The following USH1C variants were observed in gnomAD, a reference collection of about 807,000 sequenced individuals.
The protein encoded by USH1C is harmonin.
Under a neutral mutation model 119.3 loss-of-function variants are expected in USH1C, and 90 were observed. That is an observed-to-expected ratio of 0.75 (90% CI 0.64 to 0.90). The LOEUF is 0.90. USH1C is among the 40% of genes least tolerant of loss of function. USH1C has a pLI of 0.00. For synonymous variants in USH1C, 465 were observed against 443.3 expected (o/e 1.05, Z -0.62); for missense variants, 1,165 against 1,167.7 (o/e 1.00, Z 0.03).
intron 1 of USH1C, among the ~76,000 whole-genome samples, chr11:17,544,031 G>A (rs747823524): frequency 7.6e-4 from 115 of 152,242 alleles, no homozygotes; most frequent in Non-Finnish European, 1.6e-4. Flanking sequence ...GAAGGCAGAG[G>A]GAGAAAGGCT....
chr11:17,520,750 T>C, intron 14 of USH1C, 120 bp downstream of exon 14: 2 of 1,258,320 alleles, frequency 1.6e-6, no homozygotes, highest in Non-Finnish European at 2.3e-6. Context: ...TGCCCCTCCA[T>C]GAAGGAACCA....
rs1554953350 is a variant in USH1C at position 17,496,757 on chromosome 11, C to A, written c.2546+1G>T. The A allele has an allele frequency of 1.9e-6, 3 of 1,614,224 alleles. No individual in the cohort carries two copies. Among genetic ancestry groups the A allele is most frequent in the Non-Finnish European group, 2.5e-6 (3 of 1,180,004 alleles). The stretch of plus-strand genomic sequence containing the variant: ...CAGGCTAGGTGCTTGCACACACTTA[C>A]AGCTCATCGTCATACTCCTTTGGGG... On this transcript the variant is annotated splice_donor_variant, in intron 25 of 26. Transcript: ENST00000005226. LOFTEE classifies it high-confidence loss of function.
intron 15 of USH1C, among the ~76,000 whole-genome samples, chr11:17,512,686 C>T (rs1027047617): frequency 6.6e-6 from 1 of 152,146 alleles, no homozygotes; most frequent in African/African-American, 2.4e-5. Context: ...TCAGATTTTA[C>T]CCGCATGCTT....
At chr11:17,527,567 C>G (rs1850764042) in intron 4 of USH1C, among the ~76,000 whole-genome samples, 1 of 152,148 alleles carries the variant, frequency 6.6e-6, no homozygotes, top group Non-Finnish European at 1.5e-5. Context: ...GAAACCAAGA[C>G]AGGGGTGAGG....
rs1194482063 is a variant in USH1C, at chr11:17,505,956, A to C, written c.2014-7T>G. The C allele has an allele frequency of 1.9e-6, 3 of 1,614,152 alleles. No individual in the cohort carries two copies. The highest frequency in any genetic ancestry group is 2.5e-6 in the Non-Finnish European group (3 of 1,180,004). ...GTGGGCTTGGGCAAAATGTCTAAGGAGTTAGTTTAACAGGGACCCAGGTGA... is the reference window on the plus strand; with the variant it reads ...GTGGGCTTGGGCAAAATGTCTAAGGCGTTAGTTTAACAGGGACCCAGGTGA... On this transcript the variant is annotated splice_polypyrimidine_tract_variant and splice_region_variant and intron_variant, in intron 18 of 26. Transcript: ENST00000005226.
intron 26 of USH1C, chr11:17,495,029 C>T (rs1163772310): frequency 4.6e-6 from 1 of 219,498 alleles, no homozygotes; most frequent in Non-Finnish European, 9.2e-6. Context: ...ATCCACCAAC[C>T]CTGGTTCTTT....
Sources: gnomAD v4.1 joint callset for allele counts (sites outside exome capture counted in the v4.1 genomes callset) on GRCh38, gnomAD v4.1.1 for gene constraint, MANE v1.5 for transcripts, NCBI Gene and HGNC (gene_info 2026-07-23, HGNC 2026-07-21) for gene names.